Variants in UBTF observed in about 807,000 individuals in gnomAD.
UBTF encodes the protein upstream binding transcription factor.
In UBTF, 8 loss-of-function variants were observed where a neutral mutation model predicts 112.3. That is an observed-to-expected ratio of 0.07 (90% CI 0.04 to 0.13). The LOEUF (loss-of-function observed/expected upper bound fraction) is 0.13. Ranked by LOEUF, UBTF falls within the 10% of genes least tolerant of loss-of-function variation. The pLI, the probability that UBTF is intolerant of heterozygous loss-of-function variation, is 1.00. For missense variants in UBTF, 457 were observed against 982.1 expected, an observed-to-expected ratio of 0.47 and a Z score of 7.15; for synonymous variants, 417 against 373.1, an observed-to-expected ratio of 1.12 and a Z score of -1.36.
At position 44,207,144 on chromosome 17, in the gene UBTF, G is replaced by A. The variant is rs1598209530; in HGVS notation, c.*98C>T. The A allele has an allele frequency of 7.3e-7, 1 of 1,364,486 alleles. No homozygotes were observed. Among genetic ancestry groups the A allele is most frequent in the Non-Finnish European group, 1.0e-6 (1 of 994,044 alleles). 84.5% of individuals were successfully genotyped at this position (1,364,486 alleles called of 1,614,324 possible). ...GAAAGAAAGAAAGTGGGGGAGGCCA[G>A]GGGGGCAAGGGACAGAACATGGGGG... is the stretch of plus-strand genomic sequence containing the variant. On this transcript the variant is annotated 3_prime_UTR_variant, in exon 21 of 21. Transcript: ENST00000436088.
upstream of UBTF, chr17:44,220,904 TCCGCCCGCCCCGCTCCGCCCGC>T (rs1280222107): frequency 2.0e-5 from 3 of 149,834 alleles, no homozygotes; most frequent in Non-Finnish European, 3.0e-5. Context: ...CGCGCCGCGC[TCCGCCCGCCCCGCTCCGCCCGC>T]CCGCCCGCCC....
rs1375930444 is a variant in UBTF, at chr17:44,207,173, A to C, written c.*69T>G. On this transcript the variant is annotated 3_prime_UTR_variant, in exon 21 of 21. Coordinates refer to ENST00000436088, the MANE Select transcript of UBTF (RefSeq NM_014233.4). ...GGCAAGGGACAGAACATGGGGGAGA[A>C]ACAAAGGTGGTCAGTTGGGGAGGGG... is the stretch of plus-strand genomic sequence containing the variant. The C allele has an allele frequency of 6.3e-7, 1 of 1,580,980 alleles. No individual in the cohort carries two copies. The highest frequency in any genetic ancestry group is 1.7e-5 in the Admixed American group (1 of 58,972).
chr17:44,210,250 G>C lies in UBTF; in HGVS notation c.1516-16C>G, dbSNP rs765478029. 1.9e-6 allele frequency: 3 copies of C among 1,614,230 alleles called. No individual in the cohort carries two copies. The highest frequency in any genetic ancestry group is 2.7e-5 in the African/African-American group (2 of 75,054). ...CCCGGTCATTCTGGGGACCAATAAG[G>C]GTATCAGCCGTGGGAGGGGTCACCC... On this transcript the variant is annotated splice_polypyrimidine_tract_variant and intron_variant, in intron 14 of 20. Transcript: ENST00000436088.
intron 15 of UBTF, 67 bp downstream of exon 15, chr17:44,210,057 G>A: frequency 6.5e-7 from 1 of 1,536,332 alleles, no homozygotes; most frequent in Non-Finnish European, 9.0e-7. Flanking sequence ...TTCTTGCTCA[G>A]AGCTGCCCAA....
chr17:44,219,276 C>A (rs1426036442), intron 1 of UBTF, among the ~76,000 whole-genome samples, 169 bp downstream of exon 1: 6 of 151,068 alleles, frequency 4.0e-5, no homozygotes, highest in Non-Finnish European at 8.9e-5. Flanking sequence ...TCGCTTCCTG[C>A]CTTCCCCTCC....
chr17:44,207,803 G>T (rs1284862419), intron 18 of UBTF, 33 bp from the exon 19 acceptor site: 3 of 1,614,030 alleles, frequency 1.9e-6, no homozygotes, highest in African/African-American at 2.7e-5. Flanking sequence ...TGGCAGCCAT[G>T]AGTTCGACAC....
In UBTF at chr17:44,209,525, ACTT is replaced by A; in HGVS notation, c.1729_1731del (p.Lys577del). ...CCATTGGACAGCAGCTCCTGGGAGAACTTCTGGTAACCGTTCCTGGGAGGTGGG... is the reference window on the plus strand; with the variant it reads ...CCATTGGACAGCAGCTCCTGGGAGAACTGGTAACCGTTCCTGGGAGGTGGG... On this transcript the variant is annotated inframe_deletion, in exon 17 of 21. Coordinates refer to ENST00000436088, the MANE Select transcript of UBTF (RefSeq NM_014233.4). 6.2e-7 allele frequency: 1 copy of A among 1,611,732 alleles called. No homozygotes were observed. Among genetic ancestry groups the A allele is most frequent in the Non-Finnish European group, 8.5e-7 (1 of 1,178,044 alleles).
chr17:44,218,594 C>CAAAAAAAAAAAAAAAAAAA (rs71160095), intron 1 of UBTF: 5 of 83,370 alleles, frequency 6.0e-5, no homozygotes, highest in African/African-American at 2.5e-4. Context: ...CAACCCCAGC[C>CAAAAAAAAAAAAAAAAAAA]AAAAAAAAAA....
intron 13 of UBTF, 126 bp from the exon 14 acceptor site, chr17:44,210,599 G>A (rs1018122096): frequency 7.1e-7 from 1 of 1,399,190 alleles, no homozygotes; most frequent in East Asian, 2.7e-5. Context: ...TCCCGCCTGG[G>A]GCTCGCCCCC....
At chr17:44,209,062 TG>T in intron 17 of UBTF, 2 of 342,336 alleles carry the variant, frequency 5.8e-6, no homozygotes, top group Non-Finnish European at 1.1e-5. Flanking sequence ...CCAGCTACTC[TG>T]GAGGCTGTGG....
chr17:44,213,077 C>T lies in UBTF; in HGVS notation c.540-138G>A. On this transcript the variant is annotated intron_variant, in intron 6 of 20. Coordinates refer to ENST00000436088, the MANE Select transcript of UBTF (RefSeq NM_014233.4). ...GGTGGCTGCCTGCCTGTCTCTGTCC[C>T]TGAGCATGACACACTAGGGCTCACA... The T allele has an allele frequency of 2.0e-6, 3 of 1,536,692 alleles. No homozygotes were observed. In the South Asian group the frequency reaches 3.7e-5, roughly 19 times the overall value.
Position 44,210,254 on chromosome 17 carries a change from T to A in UBTF, c.1516-20A>T, listed in dbSNP as rs2056563847. 7 of 1,614,124 alleles carry A rather than the reference T, an allele frequency of 4.3e-6. No homozygotes were observed. Among genetic ancestry groups the A allele is most frequent in the Non-Finnish European group, 5.9e-6 (7 of 1,180,046 alleles). ...GTCATTCTGGGGACCAATAAGGGTA[T>A]CAGCCGTGGGAGGGGTCACCCGGGG... On this transcript the variant is annotated intron_variant, in intron 14 of 20. Transcript: ENST00000436088.
At position 44,212,918 on chromosome 17, in the gene UBTF, G is replaced by A. The variant is rs757061348; in HGVS notation, c.561C>T (p.Ile187=). ...ARFREDHPDL[I]QNAKKSDIPE... ...GGATGTCCGATTTCTTGGCATTCTG[G>A]ATTAGGTCGGGGTGATCCTCCCTAG... is the stretch of plus-strand genomic sequence containing the variant. The change falls in exon 7 of 21, where the codon ATC becomes ATT. Residue 187 remains isoleucine (I), a synonymous_variant. Transcript: ENST00000436088. 1 of 1,614,120 alleles carries A rather than the reference G, an allele frequency of 6.2e-7. No homozygotes were observed. The highest frequency in any genetic ancestry group is 8.5e-7 in the Non-Finnish European group (1 of 1,179,966).
chr17:44,216,635 C>G lies in UBTF; in HGVS notation c.128G>C (p.Ser43Thr). 1 of 1,614,064 alleles carries G rather than the reference C, an allele frequency of 6.2e-7. No homozygotes were observed. Among genetic ancestry groups the G allele is most frequent in the Non-Finnish European group, 8.5e-7 (1 of 1,180,006 alleles). The change falls in exon 3 of 21, where the codon AGC becomes ACC. Residue 43 changes from serine to threonine, a missense_variant. Ser to Thr is a moderately conservative substitution (Grantham distance 58). This residue lies in a region of UBTF where 26 missense variants were observed against 132.9 expected (regional missense o/e 0.20). Coordinates refer to ENST00000436088, the MANE Select transcript of UBTF (RefSeq NM_014233.4). The stretch of plus-strand genomic sequence containing the variant: ...TGATTCGGTGGTTTTGAACTTGGAG[C>G]TGTCATTGGATGGAAGGTTGTTCTT... The part of the protein sequence containing the change: ...CMKNNLPSND[S>T]SKFKTTESHM...
In UBTF at chr17:44,215,726, G is replaced by A. The variant is rs1336340746; in HGVS notation, c.402C>T (p.His134=). 8 of 1,614,008 alleles carry A rather than the reference G, an allele frequency of 5.0e-6. No individual in the cohort carries two copies. The highest frequency in any genetic ancestry group is 6.8e-6 in the Non-Finnish European group (8 of 1,180,034). The change falls in exon 5 of 21, where the codon CAC becomes CAT. Residue 134 remains histidine (H), a synonymous_variant. Coordinates refer to ENST00000436088, the MANE Select transcript of UBTF (RefSeq NM_014233.4). ...TTAGGTCCAGGTTGCTCATCTCAGG[G>A]TGGAGTTTCGCATACTTGGCCCGCT... The part of the protein sequence containing the change: ...MEKRAKYAKL[H]PEMSNLDLTK...
intron 1 of UBTF, 98 bp from the exon 2 acceptor site, chr17:44,218,394 T>G (rs2046954031): frequency 1.5e-6 from 1 of 680,906 alleles, no homozygotes; most frequent in Non-Finnish European, 2.5e-6. Context: ...GTCCACACTC[T>G]GAGAGACTCA....
chr17:44,213,806 G>A (rs2144544666), intron 5 of UBTF, among the ~76,000 whole-genome samples: 1 of 152,234 alleles, frequency 6.6e-6, no homozygotes, highest in South Asian at 2.1e-4. Context: ...CCCAGAGCGA[G>A]TTCTTCCAAT....
At position 44,206,880 on chromosome 17, in the gene UBTF, G is replaced by A. The variant is rs149845965; in HGVS notation, c.*362C>T. On this transcript the variant is annotated 3_prime_UTR_variant, in exon 21 of 21. Coordinates refer to ENST00000436088, the MANE Select transcript of UBTF (RefSeq NM_014233.4). ...CCCCACCTTGGATTGGGCCGCAGGT[G>A]TGGAGGGCCTCATCAAACTCTTTGG... 6.3e-3 allele frequency: 2,330 copies of A among 368,692 alleles called. 61 individuals are homozygous for A. Among genetic ancestry groups the A allele is most frequent in the African/African-American group, 0.044 (2,086 of 47,924 alleles). 22.8% of individuals were successfully genotyped at this position (368,692 alleles called of 1,614,324 possible). A position where few individuals can be genotyped will look rare whatever the true frequency, so the allele number is the denominator to read the frequency against.
At position 44,218,153 on chromosome 17, in the gene UBTF, C is replaced by A. The variant is rs746466945; in HGVS notation, c.58+19G>T. The A allele has an allele frequency of 6.2e-7, 1 of 1,611,222 alleles. No individual in the cohort carries two copies. The highest frequency in any genetic ancestry group is 1.7e-5 in the Admixed American group (1 of 59,796). ...AAAGAGGGTTTAAGTTTCAGAGGGC[C>A]GGGGGTGGATGCCCCTACCTTGGCC... On this transcript the variant is annotated intron_variant, in intron 2 of 20. Transcript: ENST00000436088.
Sources: allele counts gnomAD v4.1 joint callset (sites outside exome capture counted in the v4.1 genomes callset), GRCh38; gene constraint gnomAD v4.1.1; regional missense constraint gnomAD v4.1.1; transcripts MANE v1.5; gene names NCBI Gene and HGNC (gene_info 2026-07-23, HGNC 2026-07-21).